Variants in GBE1 observed in about 807,000 individuals in gnomAD.
GBE1 encodes 1,4-alpha-glucan branching enzyme 1.
A neutral mutation model predicts 88.8 loss-of-function variants in GBE1; 70 were observed. The observed-to-expected ratio is 0.79, with a 90% confidence interval of 0.65 to 0.96. The LOEUF is 0.96. Among genes scored for constraint, GBE1 ranks in the 40% least tolerant of loss-of-function variants. The pLI, the probability that GBE1 is intolerant of heterozygous loss-of-function variation, is 0.00. For missense variants in GBE1, 872 were observed against 871.0 expected (o/e 1.00, Z -0.01); for synonymous variants, 284 against 300.1 (o/e 0.95, Z 0.56).
intron 12 of GBE1, among the ~76,000 whole-genome samples, chr3:81,569,142 T>A (rs1008914640): frequency 1.3e-5 from 2 of 152,204 alleles, no homozygotes; most frequent in African/African-American, 4.8e-5. Context: ...AAATTTAATT[T>A]TTCCCAAATG....
At chr3:81,540,465 A>T (rs1459699050) in intron 12 of GBE1, among the ~76,000 whole-genome samples, 1 of 151,990 alleles carries the variant, frequency 6.6e-6, no homozygotes, top group Non-Finnish European at 1.5e-5. Flanking sequence ...GAATATAGGC[A>T]ATTTAATCTC....
rs530594331 is a variant in GBE1, at chr3:81,761,227, C to A, written c.143+148G>T. 1,495 of 1,045,742 alleles carry A rather than the reference C, an allele frequency of 1.4e-3. 16 individuals carry two copies. In the South Asian group the frequency reaches 0.021, roughly 15 times the overall value. The allele number at this position is 1,045,742 out of a possible 1,614,324, so 64.8% of individuals were successfully genotyped here. Reference sequence around the variant, plus strand: ...TACGGAAGCCACAGAACCCGGTTACCCGAGTCACCCCGAGCCCCGCCCACT... The same window carrying A: ...TACGGAAGCCACAGAACCCGGTTACACGAGTCACCCCGAGCCCCGCCCACT... On this transcript the variant is annotated intron_variant, in intron 1 of 15. Transcript: ENST00000429644.
chr3:81,533,587 T>C (rs1217529511), intron 14 of GBE1, among the ~76,000 whole-genome samples: 1 of 152,070 alleles, frequency 6.6e-6, no homozygotes, highest in Non-Finnish European at 1.5e-5. Flanking sequence ...GTCTGTTTTC[T>C]TCTTACTGTC....
chr3:81,497,223 G>T lies in GBE1; in HGVS notation c.2052+1887C>A, dbSNP rs146612901. Among the ~76,000 whole-genome samples the T allele has an allele frequency of 1.8e-4, 27 of 152,230 alleles. 1 individual carries two copies. In the East Asian group the frequency reaches 5.2e-3, roughly 29 times the overall value. On this transcript the variant is annotated intron_variant, in intron 15 of 15. Transcript: ENST00000429644. ...TTGAAAGGATGCCAAGATATTTTCT[G>T]CCCACCTCAAAAGAGTCTGAGCCGT...
chr3:81,517,687 C>T lies in GBE1; in HGVS notation c.1934+17508G>A, dbSNP rs143125158. ...AATAATATATTAATTGTGAATTCTA[C>T]AAAATTATGATGTATTTTATTGATA... On this transcript the variant is annotated intron_variant, in intron 14 of 15. Coordinates refer to ENST00000429644, the MANE Select transcript of GBE1 (RefSeq NM_000158.4). Among the ~76,000 whole-genome samples, 5 of 151,502 alleles carry T rather than the reference C, an allele frequency of 3.3e-5. No homozygotes were observed. In the East Asian group the frequency reaches 9.7e-4, roughly 29 times the overall value.
In GBE1 at chr3:81,537,111, C is replaced by T. The variant is rs546023161; in HGVS notation, c.1619-16G>A. ...AATTCATTACCTGCATTACAAAACA[C>T]ATGCAAATATCAGCCTATTAATATT... On this transcript the variant is annotated splice_polypyrimidine_tract_variant and intron_variant, in intron 12 of 15. Coordinates refer to ENST00000429644, the MANE Select transcript of GBE1 (RefSeq NM_000158.4). 9.1e-6 allele frequency: 13 copies of T among 1,425,714 alleles called. No individual in the cohort carries two copies. The East Asian group carries it at 2.9e-4, about 32-fold the overall frequency. 88.3% of individuals were successfully genotyped at this position (1,425,714 alleles called of 1,614,324 possible). A position where few individuals can be genotyped will look rare whatever the true frequency, so the allele number is the denominator to read the frequency against.
At chr3:81,535,028 C>A (rs181851380) in intron 14 of GBE1, 167 bp downstream of exon 14, 1 of 645,460 alleles carries the variant, frequency 1.5e-6, no homozygotes. Context: ...ATAACTGAGT[C>A]GAGCAAAGAT....
chr3:81,658,159 T>C (rs1704969340), intron 3 of GBE1, among the ~76,000 whole-genome samples: 1 of 152,152 alleles, frequency 6.6e-6, no homozygotes, highest in South Asian at 2.1e-4. Context: ...GTTGAATCCA[T>C]AGCAACAGCT....
At chr3:81,573,775 C>CTGTGTGTGTGTGTG (rs61048893) in intron 12 of GBE1, among the ~76,000 whole-genome samples, 1 of 148,788 alleles carries the variant, frequency 6.7e-6, no homozygotes, top group Non-Finnish European at 1.5e-5. Context: ...CTCTCTCTCT[C>CTGTGTGTGTGTGTG]TGTGTGTGTG....
At chr3:81,501,670 C>G (rs1392124039) in intron 14 of GBE1, among the ~76,000 whole-genome samples, 2 of 126,474 alleles carry the variant, frequency 1.6e-5, no homozygotes, top group African/African-American at 6.2e-5. Context: ...AGAATTCCCT[C>G]ATTTACTTAG....
At chr3:81,494,219 T>C (rs974268041) in intron 15 of GBE1, among the ~76,000 whole-genome samples, 2 of 152,180 alleles carry the variant, frequency 1.3e-5, no homozygotes, top group African/African-American at 4.8e-5. Flanking sequence ...TTATGGAATT[T>C]TGAGTTTTCT....
intron 14 of GBE1, among the ~76,000 whole-genome samples, chr3:81,527,961 C>A (rs1489465207): frequency 6.6e-6 from 1 of 151,918 alleles, no homozygotes; most frequent in Non-Finnish European, 1.5e-5. Flanking sequence ...AGACTTGGAA[C>A]CAACCCAAAG....
intron 1 of GBE1, among the ~76,000 whole-genome samples, chr3:81,732,858 A>G (rs1706208235): frequency 6.6e-6 from 1 of 152,164 alleles, no homozygotes; most frequent in Non-Finnish European, 1.5e-5. Flanking sequence ...AAGTCTTTAC[A>G]GCAATCTACA....
At chr3:81,494,970 T>C (rs892496552) in intron 15 of GBE1, among the ~76,000 whole-genome samples, 1 of 152,150 alleles carries the variant, frequency 6.6e-6, no homozygotes, top group Non-Finnish European at 1.5e-5. Flanking sequence ...GTGTCAAACA[T>C]TTAAAAAAAG....
intron 1 of GBE1, among the ~76,000 whole-genome samples, chr3:81,713,379 G>GA (rs1204033140): frequency 6.6e-6 from 1 of 152,188 alleles, no homozygotes; most frequent in Non-Finnish European, 1.5e-5. Flanking sequence ...CAGAGCAGGA[G>GA]AAAGTGGAGT....
intron 14 of GBE1, among the ~76,000 whole-genome samples, chr3:81,523,646 C>T (rs545959435): frequency 6.6e-6 from 1 of 151,794 alleles, no homozygotes; most frequent in South Asian, 2.1e-4. Context: ...CTCACTACCC[C>T]ACTACCCTTC....
At chr3:81,579,971 C>T (rs1703699025) in intron 11 of GBE1, among the ~76,000 whole-genome samples, 1 of 152,122 alleles carries the variant, frequency 6.6e-6, no homozygotes, top group African/African-American at 2.4e-5. Flanking sequence ...CAAAAACAGG[C>T]AGCAGGTAGG....
chr3:81,643,846 T>C (rs1704727054), intron 6 of GBE1, among the ~76,000 whole-genome samples: 1 of 152,090 alleles, frequency 6.6e-6, no homozygotes, highest in South Asian at 2.1e-4. Context: ...TAAGATCATG[T>C]TACCTACTTA....
rs143953713 is a variant in GBE1, at chr3:81,635,795, C to T, written c.992+6986G>A. Reference sequence around the variant, plus strand: ...AGCATGCACCAACCATTGTTTTAAGCGAAAGAAAGAAAATAGAGAGATGTT... The same window carrying T: ...AGCATGCACCAACCATTGTTTTAAGTGAAAGAAAGAAAATAGAGAGATGTT... On this transcript the variant is annotated intron_variant, in intron 7 of 15. Coordinates refer to ENST00000429644, the MANE Select transcript of GBE1 (RefSeq NM_000158.4). Among the ~76,000 whole-genome samples the T allele has an allele frequency of 2.9e-3, 435 of 152,006 alleles. 3 individuals are homozygous for T. Among genetic ancestry groups the T allele is most frequent in the Middle Eastern group, 0.01 (3 of 294 alleles).
Sources: allele counts gnomAD v4.1 joint callset (sites outside exome capture counted in the v4.1 genomes callset), GRCh38; gene constraint gnomAD v4.1.1; transcripts MANE v1.5; gene names NCBI Gene and HGNC (gene_info 2026-07-23, HGNC 2026-07-21).